Variants in XIRP2 observed in about 807,000 individuals in gnomAD.
XIRP2 encodes xin actin-binding repeat-containing protein 2.
XIRP2 carries 236 observed loss-of-function variants against 277.0 expected under a neutral mutation model. The observed-to-expected ratio is 0.85, with a 90% CI of 0.77 to 0.95. XIRP2 has a LOEUF of 0.95. Among genes scored for constraint, XIRP2 ranks in the 40% least tolerant of loss-of-function variants. The pLI is 0.00. For synonymous variants in XIRP2, 1,490 were observed against 1,416.5 expected, an observed-to-expected ratio of 1.05 and a Z score of -1.17; for missense variants, 4,640 against 4,157.5, an observed-to-expected ratio of 1.12 and a Z score of -3.19.
Position 166,898,880 on chromosome 2 carries a change from G to A in XIRP2, c.-18-4585G>A, listed in dbSNP as rs76289810. 6.7e-3 allele frequency among the ~76,000 whole-genome samples: 1,024 copies of A among 152,238 alleles called. 7 individuals carry two copies. Among genetic ancestry groups the A allele is most frequent in the Non-Finnish European group, 8.6e-3 (586 of 68,004 alleles). On this transcript the variant is annotated intron_variant, in intron 1 of 10. Coordinates refer to ENST00000409195, the MANE Select transcript of XIRP2 (RefSeq NM_152381.6). ...TATTGAAACGGTACTTTTATCGTAT[G>A]TGACCTTTTGAGATTGGCTTTTTTC...
chr2:167,258,694 A>C lies in XIRP2; in HGVS notation c.*877A>C, dbSNP rs1695741373. The C allele has an allele frequency of 1.2e-6, 2 of 1,612,832 alleles. No individual in the cohort carries two copies. The highest frequency in any genetic ancestry group is 1.3e-5 in the African/African-American group (1 of 74,824). Reference sequence around the variant, plus strand: ...ATAATAACAATTATGTAGCAGTCTCATATCTGAATAATTGCAGGCAGAAGA... The same window carrying C: ...ATAATAACAATTATGTAGCAGTCTCCTATCTGAATAATTGCAGGCAGAAGA... On this transcript the variant is annotated 3_prime_UTR_variant, in exon 11 of 11. Coordinates refer to ENST00000409195, the MANE Select transcript of XIRP2 (RefSeq NM_152381.6).
chr2:167,254,654 T>C (rs2105453942), intron 10 of XIRP2, among the ~76,000 whole-genome samples: 1 of 152,006 alleles, frequency 6.6e-6, no homozygotes, highest in South Asian at 2.1e-4. Flanking sequence ...CCAATAAAAC[T>C]TCATATACCA....
chr2:167,086,307 G>A (rs1358934564), intron 2 of XIRP2, among the ~76,000 whole-genome samples: 1 of 152,188 alleles, frequency 6.6e-6, no homozygotes, highest in Admixed American at 6.5e-5. Flanking sequence ...TCTGCTGAGA[G>A]ATCCGCTGTT....
chr2:167,069,136 C>A (rs1299784812), intron 2 of XIRP2, among the ~76,000 whole-genome samples: 1 of 152,138 alleles, frequency 6.6e-6, no homozygotes, highest in Non-Finnish European at 1.5e-5. Context: ...TTTAAATCAC[C>A]TCTAGATTAG....
At chr2:167,228,976 T>C (rs1307573729) in intron 5 of XIRP2, among the ~76,000 whole-genome samples, 1 of 152,090 alleles carries the variant, frequency 6.6e-6, no homozygotes, top group Non-Finnish European at 1.5e-5. Context: ...AAATTGGGGT[T>C]GCTTTGGGGA....
chr2:167,182,659 T>C (rs1337767407), intron 3 of XIRP2, among the ~76,000 whole-genome samples: 1 of 152,212 alleles, frequency 6.6e-6, no homozygotes, highest in Non-Finnish European at 1.5e-5. Context: ...GGAGAAGTTA[T>C]TTAACTTCAC....
At chr2:167,253,284 TACAGGAAAGCC>T (rs1695567342) in intron 9 of XIRP2, among the ~76,000 whole-genome samples, 1 of 151,852 alleles carries the variant, frequency 6.6e-6, no homozygotes, top group African/African-American at 2.4e-5. Context: ...GGCTAACATT[TACAGGAAAGCC>T]ACAGGAAGTG....
chr2:167,212,341 T>C (rs2105391367), intron 4 of XIRP2, among the ~76,000 whole-genome samples: 1 of 152,290 alleles, frequency 6.6e-6, no homozygotes, highest in East Asian at 1.9e-4. Flanking sequence ...TAAAGACTGG[T>C]TATTTAGTAA....
chr2:166,955,526 A>G (rs576603930), intron 2 of XIRP2, among the ~76,000 whole-genome samples: 180 of 151,860 alleles, frequency 1.2e-3, no homozygotes, highest in Admixed American at 2.0e-3. Flanking sequence ...ATAATTTACT[A>G]CAAAAAGCAT....
At position 167,250,525 on chromosome 2, in the gene XIRP2, A is replaced by G. The variant is rs143084183; in HGVS notation, c.9133A>G (p.Lys3045Glu). 6,297 of 1,613,630 alleles carry G rather than the reference A, an allele frequency of 3.9e-3. 110 individuals are homozygous for G. The East Asian group carries it at 0.041, about 10-fold the overall frequency. The change falls in exon 9 of 11, where the codon AAA becomes GAA. Residue 3045 changes from lysine to glutamate, a missense_variant. By Grantham distance (56) the Lys-to-Glu change is moderately conservative (BLOSUM62 1). Transcript: ENST00000409195. Reference sequence around the variant, plus strand: ...CTCCAAAACAGGAAAACCGGGAAATAAACCCACTAGTCTTGATGAAACATC... The same window carrying G: ...CTCCAAAACAGGAAAACCGGGAAATGAACCCACTAGTCTTGATGAAACATC... ...MSSKTGKPGNKPTSLDETSSK... is the reference protein window; with the variant it reads ...MSSKTGKPGNEPTSLDETSSK...
chr2:167,003,827 T>C (rs1687432861), intron 2 of XIRP2, among the ~76,000 whole-genome samples: 1 of 151,924 alleles, frequency 6.6e-6, no homozygotes, highest in Non-Finnish European at 1.5e-5. Context: ...TACAAGAATC[T>C]ACTTAATCAT....
At chr2:167,181,918 T>C (rs1461713433) in intron 3 of XIRP2, among the ~76,000 whole-genome samples, 1 of 152,192 alleles carries the variant, frequency 6.6e-6, no homozygotes, top group Non-Finnish European at 1.5e-5. Context: ...TCCCAGCTTA[T>C]GCCATTATGT....
chr2:167,210,237 C>G (rs1463946747), intron 3 of XIRP2, among the ~76,000 whole-genome samples: 3 of 152,134 alleles, frequency 2.0e-5, no homozygotes, highest in Non-Finnish European at 2.9e-5. Context: ...AGGAGCAACC[C>G]TTAGACTTGT....
intron 2 of XIRP2, among the ~76,000 whole-genome samples, chr2:166,974,727 A>G (rs548557461): frequency 3.9e-4 from 60 of 152,188 alleles, no homozygotes; most frequent in African/African-American, 1.4e-3. Flanking sequence ...TAACAAGAGA[A>G]GAGAAGAACA....
chr2:167,218,982 A>G (rs923036846), intron 5 of XIRP2, among the ~76,000 whole-genome samples: 1 of 152,156 alleles, frequency 6.6e-6, no homozygotes, highest in Non-Finnish European at 1.5e-5. Context: ...ACTTAGGCCC[A>G]TGTTTTCCAT....
At position 166,897,426 on chromosome 2, in the gene XIRP2, G is replaced by A. The variant is rs921390962; in HGVS notation, c.-18-6039G>A. On this transcript the variant is annotated intron_variant, in intron 1 of 10. Coordinates refer to ENST00000409195, the MANE Select transcript of XIRP2 (RefSeq NM_152381.6). ...GGGAATGGTGGCATGCGTCACCATC[G>A]ACAATACTGAAAACATATCACCGTG... Among the ~76,000 whole-genome samples the A allele has an allele frequency of 7.2e-5, 11 of 152,040 alleles. 1 individual carries two copies. In the South Asian group the frequency reaches 1.2e-3, roughly 17 times the overall value.
chr2:167,232,320 A>T (rs1280758455), intron 5 of XIRP2, among the ~76,000 whole-genome samples: 6 of 151,946 alleles, frequency 3.9e-5, no homozygotes, highest in Non-Finnish European at 8.8e-5. Flanking sequence ...CTCTGGCTAT[A>T]TCTCTACAGA....
Position 167,111,189 on chromosome 2 carries a change from T to C in XIRP2, c.409-24720T>C, listed in dbSNP as rs571495471. On this transcript the variant is annotated intron_variant, in intron 2 of 10. Transcript: ENST00000409195. ...ATTTCTTTCTCTTGACTGATTGTTA[T>C]GGCCAGGCCTTCCAATACTATTATG... Among the ~76,000 whole-genome samples the C allele has an allele frequency of 1.4e-4, 21 of 152,294 alleles. No homozygotes were observed. In the South Asian group the frequency reaches 4.1e-3, roughly 30 times the overall value.
Position 167,246,645 on chromosome 2 carries a change from A to C in XIRP2, c.5253A>C (p.Glu1751Asp), listed in dbSNP as rs746841599. 12 of 1,613,800 alleles carry C rather than the reference A, an allele frequency of 7.4e-6. No homozygotes were observed. In the South Asian group the frequency reaches 1.3e-4, roughly 18 times the overall value. ...GNVQFFTTCIEAGALDYLKQL... is the reference protein window; with the variant it reads ...GNVQFFTTCIDAGALDYLKQL... The stretch of plus-strand genomic sequence containing the variant: ...TTCAGTTTTTCACAACCTGCATAGA[A>C]GCTGGAGCTTTGGATTATCTGAAAC... Residue 1751 changes from glutamate (E) to aspartate (D), a missense_variant, in exon 9 of 11, where the codon GAA (glutamate) becomes GAC (aspartate). Glu to Asp is a conservative substitution (Grantham distance 45, BLOSUM62 2). Transcript: ENST00000409195.
Sources: gnomAD v4.1 joint callset for allele counts (sites outside exome capture counted in the v4.1 genomes callset) on GRCh38, gnomAD v4.1.1 for gene constraint, MANE v1.5 for transcripts, NCBI Gene and HGNC (gene_info 2026-07-23, HGNC 2026-07-21) for gene names.